SUPT6H: variants seen among roughly 807,000 people sequenced by gnomAD.
SUPT6H encodes the protein SPT6 homolog, histone chaperone and transcription elongation factor, also known as transcription elongation factor SPT6.
A neutral mutation model predicts 222.3 loss-of-function variants in SUPT6H; 11 were observed. The ratio of observed to expected loss-of-function variants is 0.05; its 90% CI spans 0.03 to 0.08. The LOEUF is 0.08. Among genes scored for constraint, SUPT6H ranks in the 10% least tolerant of loss-of-function variants. SUPT6H has a pLI of 1.00. For synonymous variants in SUPT6H, 762 were observed against 801.2 expected (o/e 0.95, Z 0.83); for missense variants, 1,422 against 2,216.0 (o/e 0.64, Z 7.19).
At position 28,701,326 on chromosome 17, in the gene SUPT6H, A is replaced by G. The variant is rs116213214; in HGVS notation, c.4995-113A>G. On this transcript the variant is annotated intron_variant, in intron 36 of 36. Coordinates refer to ENST00000314616, the MANE Select transcript of SUPT6H (RefSeq NM_003170.5). ...GCTGCTGCTGTATCTGCCTTATCCC[A>G]GTAGAGGGGCTGCTGCCCATAGGTA... is the stretch of plus-strand genomic sequence containing the variant. 388 of 1,441,878 alleles carry G rather than the reference A, an allele frequency of 2.7e-4. No individual in the cohort carries two copies. In the African/African-American group the frequency reaches 4.9e-3, roughly 18 times the overall value. The allele number at this position is 1,441,878 out of a possible 1,614,324, so 89.3% of individuals were successfully genotyped here.
Position 28,688,420 on chromosome 17 carries a change from A to G in SUPT6H, c.3134+202A>G. On this transcript the variant is annotated intron_variant, in intron 24 of 36. Coordinates refer to ENST00000314616, the MANE Select transcript of SUPT6H (RefSeq NM_003170.5). This position sits in a 1 kb window ranked among gnomAD's most constrained non-coding sequence, Gnocchi z 4.3. The stretch of plus-strand genomic sequence containing the variant: ...AATCATGTGAAACATTTTTCGTGTG[A>G]GAGAAACATAAAAAGTACCAGCTTA... The G allele has an allele frequency of 2.2e-6, 1 of 463,424 alleles. No homozygotes were observed. Among genetic ancestry groups the G allele is most frequent in the Non-Finnish European group, 3.5e-6 (1 of 287,866 alleles). The allele number at this position is 463,424 out of a possible 1,614,324, so 28.7% of individuals were successfully genotyped here. A position where few individuals can be genotyped will look rare whatever the true frequency, so the allele number is the denominator to read the frequency against.
At position 28,688,047 on chromosome 17, in the gene SUPT6H, G is replaced by A. The variant is rs780690110; in HGVS notation, c.3007-44G>A. On this transcript the variant is annotated intron_variant, in intron 23 of 36. Transcript: ENST00000314616. This position sits in a 1 kb window ranked among gnomAD's most constrained non-coding sequence, Gnocchi z 4.3. ...AGAGACTGGAACAGTCTGGGGAGGT[G>A]GGGCCTGCTTACTGCCCTGGCTCAG... 1 of 1,552,928 alleles carries A rather than the reference G, an allele frequency of 6.4e-7. No homozygotes were observed. Among genetic ancestry groups the A allele is most frequent in the Non-Finnish European group, 8.7e-7 (1 of 1,147,034 alleles).
rs764120814 is a variant in SUPT6H, at chr17:28,688,046, TGG to T, written c.3007-42_3007-41del. ...TAGAGACTGGAACAGTCTGGGGAGG[TGG>T]GGCCTGCTTACTGCCCTGGCTCAGT... On this transcript the variant is annotated intron_variant, in intron 23 of 36. Coordinates refer to ENST00000314616, the MANE Select transcript of SUPT6H (RefSeq NM_003170.5). The surrounding 1 kb of genome is among the most constrained non-coding windows in gnomAD (Gnocchi z 4.3). 1 of 1,545,798 alleles carries T rather than the reference TGG, an allele frequency of 6.5e-7. No individual in the cohort carries two copies. The highest frequency in any genetic ancestry group is 8.7e-7 in the Non-Finnish European group (1 of 1,144,102).
intron 32 of SUPT6H, among the ~76,000 whole-genome samples, chr17:28,698,282 C>T (rs1376168222): frequency 1.3e-5 from 2 of 152,224 alleles, no homozygotes; most frequent in African/African-American, 4.8e-5. Flanking sequence ...CCTCTCCCTC[C>T]CACAGAGTGA....
At chr17:28,691,169 A>G (rs1197680363) in intron 27 of SUPT6H, 106 bp downstream of exon 27, 7 of 1,402,076 alleles carry the variant, frequency 5.0e-6, no homozygotes, top group Non-Finnish European at 6.8e-6. Context: ...TCTCTCACCA[A>G]ACAAGTACAC....
rs2031517434 is a variant in SUPT6H, at chr17:28,688,936, T to C, written c.3135-418T>C. On this transcript the variant is annotated intron_variant, in intron 24 of 36. Coordinates refer to ENST00000314616, the MANE Select transcript of SUPT6H (RefSeq NM_003170.5). The surrounding 1 kb of genome is among the most constrained non-coding windows in gnomAD (Gnocchi z 4.3). ...TTTTTTTCCCCTTTCTTGATTTATC[T>C]TATTATGAGACTCATATAAGTTCAT... 1 of 169,934 alleles carries C rather than the reference T, an allele frequency of 5.9e-6. No individual in the cohort carries two copies. The highest frequency in any genetic ancestry group is 1.3e-4 in the South Asian group (1 of 7,420). The allele number at this position is 169,934 out of a possible 1,614,324, so 10.5% of individuals were successfully genotyped here. A position where few individuals can be genotyped will look rare whatever the true frequency, so the allele number is the denominator to read the frequency against.
At chr17:28,693,545 T>G (rs1421893690) in intron 27 of SUPT6H, 151 bp from the exon 28 acceptor site, 1 of 890,776 alleles carries the variant, frequency 1.1e-6, no homozygotes, top group Non-Finnish European at 1.7e-6. Context: ...GGTCAAATTC[T>G]GTCTTGGCAG....
chr17:28,686,995 G>C, intron 21 of SUPT6H, 93 bp from the exon 22 acceptor site: 2 of 1,540,290 alleles, frequency 1.3e-6, no homozygotes, highest in Non-Finnish European at 1.8e-6. Flanking sequence ...CAGAGAAGCA[G>C]AGAAAATGAT....
At chr17:28,678,677 G>A in intron 10 of SUPT6H, 43 bp downstream of exon 10, 1 of 1,611,338 alleles carries the variant, frequency 6.2e-7, no homozygotes, top group Non-Finnish European at 8.5e-7. Flanking sequence ...GGCCAGGGAA[G>A]GCACCATTAC....
chr17:28,700,868 G>C, intron 35 of SUPT6H, 73 bp from the exon 36 acceptor site: 1 of 1,522,796 alleles, frequency 6.6e-7, no homozygotes, highest in African/African-American at 1.4e-5. Context: ...CCACCCTTGC[G>C]CTTACCCAGA....
At chr17:28,667,403 G>GTATATATATATATATATA (rs1432342239) in intron 1 of SUPT6H, among the ~76,000 whole-genome samples, 4 of 42,368 alleles carry the variant, frequency 9.4e-5, no homozygotes, top group Non-Finnish European at 1.4e-4. Flanking sequence ...AAGTGTGTGT[G>GTATATATATATATATATA]TGTATATATA....
rs2031990146 is a variant in SUPT6H at position 28,697,851 on chromosome 17, CGTT to C, written c.4324-52_4324-50del. 8 of 1,607,938 alleles carry C rather than the reference CGTT, an allele frequency of 5.0e-6. No homozygotes were observed. The Admixed American group carries it at 5.0e-5, about 10-fold the overall frequency. On this transcript the variant is annotated intron_variant, in intron 31 of 36. Transcript: ENST00000314616. Reference sequence around the variant, plus strand: ...AAGTGTACATCATGTGTGCACCAGACGTTGTGTACCAAGCATGCTGCTATCCCA... The same window carrying C: ...AAGTGTACATCATGTGTGCACCAGACGTGTACCAAGCATGCTGCTATCCCA...
chr17:28,695,627 CAT>C (rs1182250994), intron 29 of SUPT6H, 80 bp downstream of exon 29: 3 of 1,458,620 alleles, frequency 2.1e-6, no homozygotes, highest in Non-Finnish European at 2.8e-6. Flanking sequence ...ACAGGATGCA[CAT>C]GTGTCAGTCT....
intron 1 of SUPT6H, among the ~76,000 whole-genome samples, 153 bp from the exon 2 acceptor site, chr17:28,673,208 GAAGAGTTGGA>G (rs1000690767): frequency 5.9e-5 from 9 of 151,964 alleles, no homozygotes; most frequent in African/African-American, 2.2e-4. Context: ...ATGGATAATG[GAAGAGTTGGA>G]ACCATCAGAT....
chr17:28,667,435 A>ATATATATATATATG (rs1491494572), intron 1 of SUPT6H, among the ~76,000 whole-genome samples: 2 of 128,768 alleles, frequency 1.6e-5, no homozygotes, highest in African/African-American at 5.8e-5. Context: ...ATATATATAT[A>ATATATATATATATG]TGTATGTGTG....
In SUPT6H at chr17:28,688,282, G is replaced by A. The variant is rs903473226; in HGVS notation, c.3134+64G>A. On this transcript the variant is annotated intron_variant, in intron 24 of 36. Coordinates refer to ENST00000314616, the MANE Select transcript of SUPT6H (RefSeq NM_003170.5). This position sits in a 1 kb window ranked among gnomAD's most constrained non-coding sequence, Gnocchi z 4.3. Reference sequence around the variant, plus strand: ...TTGTGGGCTTTGTTTTCGGGTTTCAGGGGTTAGGGCTATCAAAGGGCCACA... The same window carrying A: ...TTGTGGGCTTTGTTTTCGGGTTTCAAGGGTTAGGGCTATCAAAGGGCCACA... 56 of 1,574,672 alleles carry A rather than the reference G, an allele frequency of 3.6e-5. No individual in the cohort carries two copies. The highest frequency in any genetic ancestry group is 4.6e-5 in the South Asian group (4 of 86,954).
chr17:28,673,196 G>A lies in SUPT6H; in HGVS notation c.-31-175G>A, dbSNP rs571689155. 3.9e-5 allele frequency among the ~76,000 whole-genome samples: 6 copies of A among 151,986 alleles called. No homozygotes were observed. The South Asian group carries it at 1.2e-3, about 32-fold the overall frequency. ...CATATGAGAGAAGCAATGCTGGGAGGAATGGATAATGGAAGAGTTGGAACC... is the reference window on the plus strand; with the variant it reads ...CATATGAGAGAAGCAATGCTGGGAGAAATGGATAATGGAAGAGTTGGAACC... On this transcript the variant is annotated intron_variant, in intron 1 of 36. Transcript: ENST00000314616.
chr17:28,669,783 A>G (rs918631310), intron 1 of SUPT6H, among the ~76,000 whole-genome samples: 1 of 152,206 alleles, frequency 6.6e-6, no homozygotes, highest in Non-Finnish European at 1.5e-5. Flanking sequence ...AAAAAAAACA[A>G]AAATTAGCTA....
rs1325940073 is a variant in SUPT6H, at chr17:28,690,996, G to A, written c.3566G>A (p.Arg1189His). Residue 1189 changes from arginine to histidine, a missense_variant, in exon 27 of 37, where the codon CGC becomes CAC. Coordinates refer to ENST00000314616, the MANE Select transcript of SUPT6H (RefSeq NM_003170.5). ...GGTGAGAGCTATGACCAGGCGATCC[G>A]CAATGATGAGACAGGGCTGTGGCAG... ...PQGESYDQAIRNDETGLWQCP... is the reference protein window; with the variant it reads ...PQGESYDQAIHNDETGLWQCP... 46 of 1,613,964 alleles carry A rather than the reference G, an allele frequency of 2.9e-5. No individual in the cohort carries two copies. The highest frequency in any genetic ancestry group is 3.3e-4 in the Middle Eastern group (2 of 6,066).
Sources: gnomAD v4.1 joint callset for allele counts (sites outside exome capture counted in the v4.1 genomes callset) on GRCh38, gnomAD v4.1.1 for gene constraint, Gnocchi (gnomAD v3.1) non-coding constraint, MANE v1.5 for transcripts, NCBI Gene and HGNC (gene_info 2026-07-23, HGNC 2026-07-21) for gene names.